PIEZO2: variants seen among roughly 807,000 people sequenced by gnomAD.
PIEZO2 encodes piezo type mechanosensitive ion channel component 2.
A neutral mutation model predicts 337.3 loss-of-function variants in PIEZO2; 172 were observed. That is an observed-to-expected ratio of 0.51 (90% CI 0.45 to 0.58). The LOEUF (loss-of-function observed/expected upper bound fraction) is 0.58. Among genes scored for constraint, PIEZO2 ranks in the 20% least tolerant of loss-of-function variants. PIEZO2 has a pLI of 0.00. For missense variants in PIEZO2, 3,028 were observed against 3,391.3 expected, an observed-to-expected ratio of 0.89 and a Z score of 2.66; for synonymous variants, 1,251 against 1,228.5, an observed-to-expected ratio of 1.02 and a Z score of -0.38.
chr18:10,776,785 C>T (rs2038804064), intron 18 of PIEZO2, among the ~76,000 whole-genome samples: 1 of 152,104 alleles, frequency 6.6e-6, no homozygotes, highest in South Asian at 2.1e-4. Flanking sequence ...TCCGGGAAAG[C>T]CTGTGTATTT....
At position 10,677,725 on chromosome 18, in the gene PIEZO2, T is replaced by C. The variant is rs1302855136; in HGVS notation, c.8081+22A>G. On this transcript the variant is annotated intron_variant, in intron 53 of 55. Coordinates refer to ENST00000674853, the MANE Select transcript of PIEZO2 (RefSeq NM_001378183.1). The surrounding 1 kb of genome is among the most constrained non-coding windows in gnomAD (Gnocchi z 4.1). ...CTGCATATACCTAACAAAGCTCTAT[T>C]AGTAGGAAAAAATACACTTACACTG... is the stretch of plus-strand genomic sequence containing the variant. The C allele has an allele frequency of 6.2e-7, 1 of 1,605,028 alleles. No individual in the cohort carries two copies. Among genetic ancestry groups the C allele is most frequent in the Non-Finnish European group, 8.5e-7 (1 of 1,177,716 alleles).
Position 10,741,122 on chromosome 18 carries a change from C to CAT in PIEZO2, c.4637-22_4637-21dup, listed in dbSNP as rs1212337922. 2 of 1,526,368 alleles carry CAT rather than the reference C, an allele frequency of 1.3e-6. No homozygotes were observed. Among genetic ancestry groups the CAT allele is most frequent in the Non-Finnish European group, 1.8e-6 (2 of 1,142,164 alleles). The allele number at this position is 1,526,368 out of a possible 1,614,324, so 94.6% of individuals were successfully genotyped here. A position where few individuals can be genotyped will look rare whatever the true frequency, so the allele number is the denominator to read the frequency against. On this transcript the variant is annotated intron_variant, in intron 32 of 55. Coordinates refer to ENST00000674853, the MANE Select transcript of PIEZO2 (RefSeq NM_001378183.1). The stretch of plus-strand genomic sequence containing the variant: ...CTTCTCCTAAAATAAAATACGTCCA[C>CAT]ATATTAATTCGTATAAAGTGAGAAA...
Position 11,127,880 on chromosome 18 carries a change from G to C in PIEZO2, c.64+20645C>G, listed in dbSNP as rs1229302515. 6.6e-6 allele frequency among the ~76,000 whole-genome samples: 1 copy of C among 150,862 alleles called. No homozygotes were observed. ...ACCCTAATACAGATTTTGGTATCAG[G>C]AGTGGTTCTAGAGGAACAGAATATT... On this transcript the variant is annotated intron_variant, in intron 1 of 55. Transcript: ENST00000674853. The surrounding 1 kb of genome is among the most constrained non-coding windows in gnomAD (Gnocchi z 4.5).
intron 49 of PIEZO2, 112 bp downstream of exon 49, chr18:10,689,543 T>C: frequency 7.3e-7 from 1 of 1,378,208 alleles, no homozygotes; most frequent in African/African-American, 1.4e-5. Flanking sequence ...TTATAGGTTG[T>C]GGTAGTTTTT....
At chr18:11,121,768 C>G (rs968460548) in intron 1 of PIEZO2, among the ~76,000 whole-genome samples, 1 of 152,156 alleles carries the variant, frequency 6.6e-6, no homozygotes, top group Admixed American at 6.5e-5. Flanking sequence ...ATCTCTATTA[C>G]ACTATTAAAT....
At chr18:10,811,180 G>C (rs781416514) in intron 7 of PIEZO2, among the ~76,000 whole-genome samples, 2 of 151,950 alleles carry the variant, frequency 1.3e-5, no homozygotes, top group African/African-American at 2.4e-5. Flanking sequence ...AATATCCTTG[G>C]CATCATCTAG....
chr18:10,702,297 G>T, intron 42 of PIEZO2, 126 bp from the exon 43 acceptor site: 1 of 874,494 alleles, frequency 1.1e-6, no homozygotes, highest in Middle Eastern at 3.2e-4. Context: ...TGGTAGGCAG[G>T]CACATAATTA....
intron 1 of PIEZO2, among the ~76,000 whole-genome samples, chr18:11,075,889 T>C (rs935957745): frequency 8.0e-5 from 12 of 150,500 alleles, no homozygotes; most frequent in African/African-American, 1.7e-4. Context: ...CCCAGGTTCA[T>C]GCCATTCTCC....
rs1190000414 is a variant in PIEZO2, at chr18:11,031,256, C to A, written c.160+34871G>T. 6.6e-6 allele frequency among the ~76,000 whole-genome samples: 1 copy of A among 151,868 alleles called. No individual in the cohort carries two copies. Among genetic ancestry groups the A allele is most frequent in the Non-Finnish European group, 1.5e-5 (1 of 67,976 alleles). On this transcript the variant is annotated intron_variant, in intron 2 of 55. Transcript: ENST00000674853. This position sits in a 1 kb window ranked among gnomAD's most constrained non-coding sequence, Gnocchi z 4.7. ...CCTCGTGATCCACCCACCTCAGCCT[C>A]CCAAAGTGCTGGGATTACAGGCGTG...
chr18:10,909,524 G>A (rs980578402), intron 4 of PIEZO2, among the ~76,000 whole-genome samples: 1 of 19,996 alleles, frequency 5.0e-5, no homozygotes, highest in Non-Finnish European at 1.0e-4. Flanking sequence ...GTATGATGAT[G>A]GCACTATTCT....
chr18:10,725,321 C>T, intron 36 of PIEZO2: 10 of 1,597,326 alleles, frequency 6.3e-6, no homozygotes, highest in Non-Finnish European at 7.7e-6. Context: ...AGGGCTGCGT[C>T]GAAGAGGTTG....
At chr18:10,852,886 G>A (rs2041596256) in intron 7 of PIEZO2, among the ~76,000 whole-genome samples, 1 of 152,128 alleles carries the variant, frequency 6.6e-6, no homozygotes, top group South Asian at 2.1e-4. Flanking sequence ...ACCATAAGGT[G>A]ATAGTCAGGA....
chr18:10,679,537 CA>C (rs34153170), intron 52 of PIEZO2, among the ~76,000 whole-genome samples: 107,393 of 152,000 alleles, frequency 0.71, 40,454 homozygotes, highest in Non-Finnish European at 0.83. Context: ...TTCTAAAAAC[CA>C]GTATTAATTT....
At chr18:11,022,418 A>G (rs1446592998) in intron 2 of PIEZO2, among the ~76,000 whole-genome samples, 1 of 152,250 alleles carries the variant, frequency 6.6e-6, no homozygotes, top group Non-Finnish European at 1.5e-5. Flanking sequence ...AGCACTGCAG[A>G]CTGGGAGGCT....
rs909916984 is a variant in PIEZO2, at chr18:10,863,886, C to A, written c.493-6675G>T. Among the ~76,000 whole-genome samples the A allele has an allele frequency of 6.6e-6, 1 of 151,716 alleles. No individual in the cohort carries two copies. On this transcript the variant is annotated intron_variant, in intron 5 of 55. Transcript: ENST00000674853. This position sits in a 1 kb window ranked among gnomAD's most constrained non-coding sequence, Gnocchi z 4.3. ...AATCAGCAGTCACACACACACACACCTATATCATCCACTCAGTTCACATTA... is the reference window on the plus strand; with the variant it reads ...AATCAGCAGTCACACACACACACACATATATCATCCACTCAGTTCACATTA...
intron 3 of PIEZO2, among the ~76,000 whole-genome samples, chr18:10,961,793 C>G (rs933586976): frequency 6.6e-6 from 1 of 151,912 alleles, no homozygotes; most frequent in African/African-American, 2.4e-5. Flanking sequence ...AAAAGTGATA[C>G]AAGTCCACAC....
intron 2 of PIEZO2, among the ~76,000 whole-genome samples, chr18:11,023,686 T>C (rs2036408155): frequency 1.3e-5 from 2 of 152,186 alleles, no homozygotes; most frequent in Admixed American, 6.5e-5. Flanking sequence ...GTTCGGGCAC[T>C]GTGGAGCAGG....
intron 2 of PIEZO2, among the ~76,000 whole-genome samples, chr18:11,004,291 C>T (rs2035646580): frequency 6.6e-6 from 1 of 152,114 alleles, no homozygotes. Context: ...AGATATTTAC[C>T]AGACACAACT....
intron 9 of PIEZO2, among the ~76,000 whole-genome samples, chr18:10,802,475 TTTAAATAGTTA>T (rs2039858526): frequency 6.6e-6 from 1 of 152,222 alleles, no homozygotes; most frequent in Non-Finnish European, 1.5e-5. Flanking sequence ...GTATAAATAA[TTTAAATAGTTA>T]TTTTTTAAAA....
Sources: gnomAD v4.1 joint callset for allele counts (sites outside exome capture counted in the v4.1 genomes callset) on GRCh38, gnomAD v4.1.1 for gene constraint, Gnocchi (gnomAD v3.1) non-coding constraint, MANE v1.5 for transcripts, NCBI Gene and HGNC (gene_info 2026-07-23, HGNC 2026-07-21) for gene names.